Variants in ALG14 observed in about 807,000 individuals in gnomAD.
The protein encoded by ALG14 is UDP-N-acetylglucosamine transferase subunit ALG14.
ALG14 carries 17 observed loss-of-function variants against 22.8 expected under a neutral mutation model. The ratio of observed to expected loss-of-function variants is 0.75; its 90% CI spans 0.51 to 1.12. The LOEUF is 1.12. Among genes scored for constraint, ALG14 ranks in the 50% most tolerant of loss-of-function variants. The probability of loss-of-function intolerance (pLI) is 0.00; values close to 1 mark genes in which losing one functional copy is unlikely to be tolerated. For synonymous variants in ALG14, 89 were observed against 103.7 expected (o/e 0.86, Z 0.86); for missense variants, 288 against 271.8 (o/e 1.06, Z -0.42).
intron 3 of ALG14, among the ~76,000 whole-genome samples, chr1:94,992,439 T>C (rs1277276919): frequency 1.3e-5 from 2 of 152,098 alleles, no homozygotes; most frequent in Admixed American, 6.5e-5. Context: ...ATCTGATGAA[T>C]TGGTAGGGTA....
chr1:95,004,808 T>C (rs181911142), intron 3 of ALG14, among the ~76,000 whole-genome samples: 138 of 145,982 alleles, frequency 9.5e-4, no homozygotes, highest in African/African-American at 3.5e-3. Context: ...CCCCCGCCTT[T>C]TTATTTTTAT....
intron 3 of ALG14, among the ~76,000 whole-genome samples, chr1:95,015,807 G>GCATGAAAATCAA: frequency 6.6e-6 from 1 of 152,328 alleles, no homozygotes; most frequent in East Asian, 1.9e-4. Context: ...GCTCACTGTG[G>GCATGAAAATCAA]CATGAAAATC....
intron 3 of ALG14, among the ~76,000 whole-genome samples, chr1:95,006,252 C>T (rs184062710): frequency 3.0e-4 from 46 of 152,220 alleles, no homozygotes; most frequent in African/African-American, 1.0e-3. Context: ...TTGCAAAACA[C>T]GTAATTTGAT....
At chr1:95,044,242 CCTAA>C (rs1674473553) in intron 2 of ALG14, among the ~76,000 whole-genome samples, 1 of 152,166 alleles carries the variant, frequency 6.6e-6, no homozygotes, top group African/African-American at 2.4e-5. Context: ...GCAACAACCT[CCTAA>C]CTGATTTCCT....
chr1:94,979,310 A>AAAAAAAAAAAAAAAG lies in ALG14; in HGVS notation c.*3765_*3766insCTTTTTTTTTTTTTT, dbSNP rs1553222994. On this transcript the variant is annotated 3_prime_UTR_variant, in exon 4 of 4. Transcript: ENST00000370205. ...GTCTCGAAAAAAAAAAAAAAAAAAA[A>AAAAAAAAAAAAAAAG]AAAAGAAAGAAAAAAGTGAAACAAG... 1 of 89,838 alleles carries AAAAAAAAAAAAAAAG rather than the reference A, an allele frequency of 1.1e-5. No individual in the cohort carries two copies. Among genetic ancestry groups the AAAAAAAAAAAAAAAG allele is most frequent in the African/African-American group, 5.3e-5 (1 of 18,746 alleles). The allele number at this position is 89,838 out of a possible 1,614,324, so 5.6% of individuals were successfully genotyped here. A position where few individuals can be genotyped will look rare whatever the true frequency, so the allele number is the denominator to read the frequency against.
chr1:95,025,630 CT>C (rs1211227535), intron 3 of ALG14, among the ~76,000 whole-genome samples: 2 of 152,234 alleles, frequency 1.3e-5, no homozygotes, highest in African/African-American at 4.8e-5. Context: ...ACTAGATTTT[CT>C]GGATAAATTG....
chr1:95,051,721 G>A (rs944145044), intron 2 of ALG14, among the ~76,000 whole-genome samples: 5 of 152,090 alleles, frequency 3.3e-5, no homozygotes, highest in Non-Finnish European at 5.9e-5. Flanking sequence ...TGCCAGGCAC[G>A]GCCCCACCTC....
chr1:94,995,724 T>G (rs1672893846), intron 3 of ALG14, among the ~76,000 whole-genome samples: 1 of 152,066 alleles, frequency 6.6e-6, no homozygotes, highest in Admixed American at 6.6e-5. Context: ...AAAAAATGTA[T>G]ATATTTTGGA....
chr1:94,992,747 G>A (rs1465375205), intron 3 of ALG14, among the ~76,000 whole-genome samples: 1 of 152,096 alleles, frequency 6.6e-6, no homozygotes, highest in African/African-American at 2.4e-5. Context: ...CTCTTCTTGG[G>A]AATTGGTAGC....
intron 2 of ALG14, among the ~76,000 whole-genome samples, chr1:95,034,029 C>T (rs960457919): frequency 9.9e-5 from 15 of 152,196 alleles, no homozygotes; most frequent in African/African-American, 3.6e-4. Context: ...CCTCCTTGTT[C>T]ATTCACTTGA....
intron 2 of ALG14, among the ~76,000 whole-genome samples, chr1:95,053,851 T>C (rs1465626209): frequency 1.3e-5 from 2 of 152,194 alleles, no homozygotes; most frequent in Non-Finnish European, 2.9e-5. Context: ...ATGGGGAATA[T>C]AATTTCTTTT....
intron 2 of ALG14, among the ~76,000 whole-genome samples, chr1:95,030,322 T>C (rs1673959640): frequency 6.6e-6 from 1 of 152,026 alleles, no homozygotes; most frequent in African/African-American, 2.4e-5. Flanking sequence ...TTTTTTTTTT[T>C]CCAGTTTTCA....
At position 94,976,130 on chromosome 1, in the gene ALG14, T is replaced by A. The variant is rs558175449; in HGVS notation, c.*6946A>T. ...CTTGAGGGCTTACTATTTAGCAGGC[T>A]CTGTGCTAAACACTGTACATACATC... On this transcript the variant is annotated 3_prime_UTR_variant, in exon 4 of 4. Transcript: ENST00000370205. The A allele has an allele frequency of 2.0e-5, 3 of 151,672 alleles. No homozygotes were observed. Among genetic ancestry groups the A allele is most frequent in the Non-Finnish European group, 4.4e-5 (3 of 68,002 alleles). The allele number at this position is 151,672 out of a possible 1,614,324, so 9.4% of individuals were successfully genotyped here.
chr1:95,019,701 C>T (rs1343396367), intron 3 of ALG14, among the ~76,000 whole-genome samples: 1 of 152,102 alleles, frequency 6.6e-6, no homozygotes, highest in Non-Finnish European at 1.5e-5. Flanking sequence ...GATAACCTGG[C>T]CGGGCACAGT....
intron 2 of ALG14, among the ~76,000 whole-genome samples, chr1:95,030,598 C>A (rs980253946): frequency 1.3e-5 from 2 of 152,146 alleles, no homozygotes; most frequent in African/African-American, 4.8e-5. Flanking sequence ...GAAGCAGCAG[C>A]AATGAACAAC....
intron 2 of ALG14, among the ~76,000 whole-genome samples, chr1:95,045,595 A>G (rs1674520054): frequency 6.6e-6 from 1 of 151,972 alleles, no homozygotes; most frequent in Non-Finnish European, 1.5e-5. Flanking sequence ...TTAGTATACT[A>G]ATTGTATAGT....
intron 2 of ALG14, among the ~76,000 whole-genome samples, chr1:95,037,373 G>A (rs1328281066): frequency 1.3e-5 from 2 of 152,146 alleles, no homozygotes; most frequent in African/African-American, 4.8e-5. Context: ...AGTACCATGA[G>A]GCAGGAGATG....
intron 3 of ALG14, among the ~76,000 whole-genome samples, chr1:95,004,658 C>T (rs552313240): frequency 1.4e-5 from 2 of 147,710 alleles, no homozygotes; most frequent in African/African-American, 5.3e-5. Context: ...AGCCACCACG[C>T]CTGGCTAATT....
chr1:95,037,987 A>G (rs1458095263), intron 2 of ALG14, among the ~76,000 whole-genome samples: 1 of 152,232 alleles, frequency 6.6e-6, no homozygotes, highest in Non-Finnish European at 1.5e-5. Context: ...TGATAATTGC[A>G]GTCAAAGGGA....
Sources: gnomAD v4.1 joint callset for allele counts (sites outside exome capture counted in the v4.1 genomes callset) on GRCh38, gnomAD v4.1.1 for gene constraint, MANE v1.5 for transcripts, NCBI Gene and HGNC (gene_info 2026-07-23, HGNC 2026-07-21) for gene names.